IL1RAP: variants seen among roughly 807,000 people sequenced by gnomAD.
IL1RAP encodes interleukin 1 receptor accessory protein, also known as interleukin-1 receptor accessory protein.
IL1RAP carries 35 observed loss-of-function variants against 60.7 expected under a neutral mutation model. The ratio of observed to expected loss-of-function variants is 0.58; its 90% CI spans 0.44 to 0.76. The LOEUF (loss-of-function observed/expected upper bound fraction) is 0.76, where lower values mean the gene tolerates loss of function less well. Among genes scored for constraint, IL1RAP ranks in the 30% least tolerant of loss-of-function variants. The pLI is 0.00. For missense variants in IL1RAP, 572 were observed against 693.9 expected (o/e 0.82, Z 1.97); for synonymous variants, 268 against 250.9 (o/e 1.07, Z -0.64).
intron 8 of IL1RAP, among the ~76,000 whole-genome samples, chr3:190,628,271 A>G (rs6444442): frequency 0.9 from 136,920 of 152,206 alleles, 61,792 homozygotes; most frequent in East Asian, 1. Context: ...AAAGTAATGT[A>G]GCTGGAGGCT....
intron 5 of IL1RAP, among the ~76,000 whole-genome samples, chr3:190,616,832 G>A (rs1441563893): frequency 6.6e-6 from 1 of 152,046 alleles, no homozygotes; most frequent in Non-Finnish European, 1.5e-5. Flanking sequence ...CTAACGTGTC[G>A]AGCATTTACC....
chr3:190,581,843 TC>T (rs1728023713), intron 3 of IL1RAP, among the ~76,000 whole-genome samples: 1 of 152,212 alleles, frequency 6.6e-6, no homozygotes, highest in Admixed American at 6.5e-5. Context: ...GAACAAATAG[TC>T]CCTGTTCCTT....
intron 3 of IL1RAP, among the ~76,000 whole-genome samples, chr3:190,575,524 T>A (rs972910692): frequency 6.6e-6 from 1 of 152,190 alleles, no homozygotes; most frequent in Non-Finnish European, 1.5e-5. Context: ...ATATGCTATT[T>A]AATTGAGAAT....
At chr3:190,654,412 A>T (rs868589401), downstream of IL1RAP, among the ~76,000 whole-genome samples, 1 of 152,236 alleles carries the variant, frequency 6.6e-6, no homozygotes, top group Non-Finnish European at 1.5e-5. Context: ...ACACATGCAC[A>T]TGTGCACACA....
intron 1 of IL1RAP, among the ~76,000 whole-genome samples, chr3:190,515,918 G>C (rs988779947): frequency 6.6e-6 from 1 of 151,980 alleles, no homozygotes; most frequent in South Asian, 2.1e-4. Flanking sequence ...ATTTAAACAC[G>C]AACACACAGA....
intron 1 of IL1RAP, among the ~76,000 whole-genome samples, chr3:190,549,434 G>C (rs1277613762): frequency 6.6e-6 from 1 of 151,980 alleles, no homozygotes. Flanking sequence ...GACAGTCAGA[G>C]CTCCCTCAGA....
At chr3:190,553,592 G>A (rs1165723026) in intron 1 of IL1RAP, among the ~76,000 whole-genome samples, 1 of 152,138 alleles carries the variant, frequency 6.6e-6, no homozygotes, top group Non-Finnish European at 1.5e-5. Flanking sequence ...AGCCCCAGCC[G>A]GGATGGGACG....
intron 3 of IL1RAP, among the ~76,000 whole-genome samples, chr3:190,576,440 G>C (rs1049277591): frequency 4.6e-5 from 7 of 152,002 alleles, no homozygotes; most frequent in Non-Finnish European, 7.4e-5. Flanking sequence ...GAAACTAGCA[G>C]TTCAGGCAGT....
At chr3:190,651,676 T>C (rs114066119), downstream of IL1RAP, among the ~76,000 whole-genome samples, 1,984 of 152,278 alleles carry the variant, frequency 0.013, 47 homozygotes, top group African/African-American at 0.045. Flanking sequence ...GGGAACTTCT[T>C]ATCAAGAACA....
chr3:190,514,779 G>C (rs1441792201), intron 1 of IL1RAP, among the ~76,000 whole-genome samples: 1 of 152,194 alleles, frequency 6.6e-6, no homozygotes, highest in African/African-American at 2.4e-5. Context: ...CGCGGGGAGA[G>C]AGGAGCGAGG....
At chr3:190,575,746 A>G (rs1313751868) in intron 3 of IL1RAP, among the ~76,000 whole-genome samples, 1 of 152,254 alleles carries the variant, frequency 6.6e-6, no homozygotes, top group African/African-American at 2.4e-5. Flanking sequence ...TTATCCAGCT[A>G]AGGTATTAAA....
chr3:190,604,510 A>C, intron 4 of IL1RAP, 97 bp downstream of exon 4: 1 of 1,283,224 alleles, frequency 7.8e-7, no homozygotes, highest in Non-Finnish European at 1.1e-6. Flanking sequence ...AGAAGTCGGA[A>C]GCATTTAGAT....
At chr3:190,655,741 TTTTTTTGA>T, downstream of IL1RAP, 5 of 641,962 alleles carry the variant, frequency 7.8e-6, no homozygotes, top group Non-Finnish European at 8.0e-6. Flanking sequence ...GTGGTGTAGA[TTTTTTTGA>T]CTGGGTAAAT....
chr3:190,655,336 G>T (rs1024904771), downstream of IL1RAP, among the ~76,000 whole-genome samples: 2 of 152,008 alleles, frequency 1.3e-5, no homozygotes, highest in Non-Finnish European at 2.9e-5. Flanking sequence ...TGGAATAAGA[G>T]AAATATCCTG....
intron 3 of IL1RAP, among the ~76,000 whole-genome samples, chr3:190,574,854 T>C (rs1727296697): frequency 1.3e-5 from 2 of 152,194 alleles, no homozygotes; most frequent in African/African-American, 2.4e-5. Flanking sequence ...GCTCAGCAAG[T>C]ACACAAAAGT....
chr3:190,565,007 C>A (rs1198056626), intron 3 of IL1RAP, among the ~76,000 whole-genome samples: 1 of 152,142 alleles, frequency 6.6e-6, no homozygotes, highest in East Asian at 1.9e-4. Flanking sequence ...CACTCTCTAT[C>A]TCTGACTATT....
intron 3 of IL1RAP, among the ~76,000 whole-genome samples, chr3:190,596,147 C>T (rs570961434): frequency 1.3e-5 from 2 of 152,338 alleles, no homozygotes; most frequent in Non-Finnish European, 2.9e-5. Context: ...AATCTTTGCT[C>T]TTTCTTTTCT....
chr3:190,652,248 G>A (rs1734436075), downstream of IL1RAP, among the ~76,000 whole-genome samples: 1 of 151,218 alleles, frequency 6.6e-6, no homozygotes, highest in Non-Finnish European at 1.5e-5. Flanking sequence ...TGGATCAAGA[G>A]GTCAGGAGAT....
chr3:190,519,288 T>G (rs1000049580), intron 1 of IL1RAP, among the ~76,000 whole-genome samples: 2 of 152,218 alleles, frequency 1.3e-5, no homozygotes, highest in African/African-American at 4.8e-5. Flanking sequence ...TATTGTTTTA[T>G]TCCCTGGAGA....
Sources: gnomAD v4.1 joint callset for allele counts (sites outside exome capture counted in the v4.1 genomes callset) on GRCh38, gnomAD v4.1.1 for gene constraint, MANE v1.5 for transcripts, NCBI Gene and HGNC (gene_info 2026-07-23, HGNC 2026-07-21) for gene names.